Variants in EFEMP1 observed in about 807,000 individuals in gnomAD.
The protein encoded by EFEMP1 is EGF-like fibulin extracellular matrix protein 1, also known as EGF-containing fibulin-like extracellular matrix protein 1.
In EFEMP1, 18 loss-of-function variants were observed where a neutral mutation model predicts 65.7. The ratio of observed to expected loss-of-function variants is 0.27; its 90% CI spans 0.19 to 0.41. The LOEUF (loss-of-function observed/expected upper bound fraction) is 0.41, where lower values mean the gene tolerates loss of function less well. Ranked by LOEUF, EFEMP1 falls within the 10% of genes least tolerant of loss-of-function variation. The pLI, the probability that EFEMP1 is intolerant of heterozygous loss-of-function variation, is 1.00. For missense variants in EFEMP1, 469 were observed against 624.8 expected (o/e 0.75, Z 2.66); for synonymous variants, 237 against 219.7 (o/e 1.08, Z -0.70).
intron 5 of EFEMP1, among the ~76,000 whole-genome samples, chr2:55,893,231 G>A (rs1173173648): frequency 6.6e-6 from 1 of 152,104 alleles, no homozygotes; most frequent in Non-Finnish European, 1.5e-5. Context: ...TTTTATTTGA[G>A]ATTGTATCTT....
chr2:55,920,947 T>G (rs1670890138), intron 3 of EFEMP1, among the ~76,000 whole-genome samples: 1 of 152,260 alleles, frequency 6.6e-6, no homozygotes, highest in Admixed American at 6.5e-5. Flanking sequence ...CTGGAAAATT[T>G]GTTACAATAA....
At chr2:55,903,791 A>G (rs1670132175) in intron 5 of EFEMP1, among the ~76,000 whole-genome samples, 3 of 152,184 alleles carry the variant, frequency 2.0e-5, no homozygotes, top group South Asian at 4.1e-4. Context: ...ATGCATGTAT[A>G]CATATATATG....
Position 55,867,341 on chromosome 2 carries a change from G to T in EFEMP1, c.1321-107C>A. 1.5e-6 allele frequency: 2 copies of T among 1,322,670 alleles called. No individual in the cohort carries two copies. Among genetic ancestry groups the T allele is most frequent in the Non-Finnish European group, 1.0e-6 (1 of 962,496 alleles). 81.9% of individuals were successfully genotyped at this position (1,322,670 alleles called of 1,614,324 possible). ...AAGAATTAGGGGGAGAATTTTGAAG[G>T]TGGTATAAAAGAGCCACTACTTGGT... On this transcript the variant is annotated intron_variant, in intron 11 of 11. Transcript: ENST00000355426. The surrounding 1 kb of genome is among the most constrained non-coding windows in gnomAD (Gnocchi z 4.3).
At chr2:55,881,312 C>T (rs899061459) in intron 6 of EFEMP1, among the ~76,000 whole-genome samples, 8 of 152,178 alleles carry the variant, frequency 5.3e-5, no homozygotes, top group Non-Finnish European at 8.8e-5. Context: ...TGTGTTAGCG[C>T]GATGGCCCCC....
At chr2:55,907,083 G>C (rs771967396) in intron 5 of EFEMP1, among the ~76,000 whole-genome samples, 3 of 152,316 alleles carry the variant, frequency 2.0e-5, no homozygotes, top group East Asian at 1.9e-4. Flanking sequence ...GTTCTCTTGT[G>C]ATAGGTAAAC....
chr2:55,891,938 C>A (rs755220830), intron 5 of EFEMP1, among the ~76,000 whole-genome samples: 2 of 152,084 alleles, frequency 1.3e-5, no homozygotes, highest in African/African-American at 4.8e-5. Context: ...AATTATCATG[C>A]ATTCTTGGAC....
rs1169315256 is a variant in EFEMP1 at position 55,870,186 on chromosome 2, AT to A, written c.1320+533del. 6.6e-5 allele frequency among the ~76,000 whole-genome samples: 10 copies of A among 152,140 alleles called. No homozygotes were observed. The highest frequency in any genetic ancestry group is 1.3e-4 in the Non-Finnish European group (9 of 68,020). ...AGGTGGGGTCACTTCTCACATACTT[AT>A]AGGTTTTAGTTTCGGTGTGAACACA... is the stretch of plus-strand genomic sequence containing the variant. On this transcript the variant is annotated intron_variant, in intron 11 of 11. Coordinates refer to ENST00000355426, the MANE Select transcript of EFEMP1 (RefSeq NM_001039348.3). This position sits in a 1 kb window ranked among gnomAD's most constrained non-coding sequence, Gnocchi z 5.8.
In EFEMP1 at chr2:55,923,062, G is replaced by T; in HGVS notation, c.-48-123C>A. 1.6e-6 allele frequency: 1 copy of T among 622,910 alleles called. No homozygotes were observed. The highest frequency in any genetic ancestry group is 2.0e-6 in the Non-Finnish European group (1 of 496,440). The allele number at this position is 622,910 out of a possible 1,614,324, so 38.6% of individuals were successfully genotyped here. A position where few individuals can be genotyped will look rare whatever the true frequency, so the allele number is the denominator to read the frequency against. On this transcript the variant is annotated intron_variant, in intron 1 of 11. Transcript: ENST00000355426. The surrounding 1 kb of genome is among the most constrained non-coding windows in gnomAD (Gnocchi z 5.3). ...ATACTAGACCTTCTCACATGTCTCA[G>T]AGCTTCTCACATCCCCCAGCACAAA...
intron 6 of EFEMP1, 85 bp downstream of exon 6, chr2:55,881,527 C>A (rs1669239606): frequency 6.4e-7 from 1 of 1,565,326 alleles, no homozygotes; most frequent in African/African-American, 1.4e-5. Context: ...TCCAAAGAAA[C>A]ATGAATGCTT....
chr2:55,891,997 C>T (rs1456090295), intron 5 of EFEMP1, among the ~76,000 whole-genome samples: 1 of 148,882 alleles, frequency 6.7e-6, no homozygotes, highest in African/African-American at 2.6e-5. Context: ...ATTTTCCTCC[C>T]TCTATGTTAA....
intron 9 of EFEMP1, among the ~76,000 whole-genome samples, chr2:55,872,645 A>T (rs772919655): frequency 5.3e-4 from 81 of 152,108 alleles, no homozygotes; most frequent in Non-Finnish European, 4.0e-4. Context: ...AGGAAAAAAA[A>T]GTATTTTAGC....
At position 55,870,780 on chromosome 2, in the gene EFEMP1, G is replaced by A; in HGVS notation, c.1260C>T (p.Ala420=). 6.2e-7 allele frequency: 1 copy of A among 1,613,814 alleles called. No homozygotes were observed. Among genetic ancestry groups the A allele is most frequent in the Non-Finnish European group, 8.5e-7 (1 of 1,179,800 alleles). ...TAATCCGAAAAGTATTGATGGTGTT[G>A]GCATAAATAGTTGTGGCCTGTATCT... is the stretch of plus-strand genomic sequence containing the variant. The part of the protein sequence containing the change: ...IFQIQATTIY[A]NTINTFRIKS... Residue 420 remains alanine (A), a synonymous_variant, in exon 11 of 12, where the codon GCC becomes GCT. Transcript: ENST00000355426. The surrounding 1 kb of genome is among the most constrained non-coding windows in gnomAD (Gnocchi z 5.8).
In EFEMP1 at chr2:55,870,856, T is replaced by G; in HGVS notation, c.1184A>C (p.Tyr395Ser). 6.2e-7 allele frequency: 1 copy of G among 1,613,842 alleles called. No homozygotes were observed. The highest frequency in any genetic ancestry group is 8.5e-7 in the Non-Finnish European group (1 of 1,179,848). ...ATCAGATCGGATGCTCATGTATTTG[T>G]AGACTATTGACTGGGGCAGTTCTCG... ...MCRELPQSIVYKYMSIRSDRS... is the reference protein window; with the variant it reads ...MCRELPQSIVSKYMSIRSDRS... Residue 395 changes from tyrosine to serine, a missense_variant, in exon 11 of 12, where the codon TAC becomes TCC. Physicochemically the swap from Tyr to Ser is moderately radical, Grantham distance 144. Coordinates refer to ENST00000355426, the MANE Select transcript of EFEMP1 (RefSeq NM_001039348.3). This position sits in a 1 kb window ranked among gnomAD's most constrained non-coding sequence, Gnocchi z 5.8.
At chr2:55,893,614 A>T (rs960183686) in intron 5 of EFEMP1, among the ~76,000 whole-genome samples, 28 of 152,200 alleles carry the variant, frequency 1.8e-4, no homozygotes, top group African/African-American at 6.3e-4. Flanking sequence ...CAATTAAAAC[A>T]ATACACACTC....
intron 5 of EFEMP1, among the ~76,000 whole-genome samples, chr2:55,905,700 C>T (rs1670234868): frequency 6.6e-6 from 1 of 152,166 alleles, no homozygotes; most frequent in Non-Finnish European, 1.5e-5. Flanking sequence ...CTGTCTGCCT[C>T]AGCCTCCCAA....
At chr2:55,875,703 T>C (rs1426878608) in intron 8 of EFEMP1, among the ~76,000 whole-genome samples, 1 of 152,134 alleles carries the variant, frequency 6.6e-6, no homozygotes, top group East Asian at 1.9e-4. Context: ...TCTCAGAAAT[T>C]GGGTGACTTT....
Position 55,912,817 on chromosome 2 carries a change from C to T in EFEMP1, c.517+4848G>A, listed in dbSNP as rs1670527769. 2.6e-5 allele frequency among the ~76,000 whole-genome samples: 4 copies of T among 151,808 alleles called. No individual in the cohort carries two copies. In the South Asian group the frequency reaches 6.3e-4, roughly 24 times the overall value. The stretch of plus-strand genomic sequence containing the variant: ...CAAACTGAAAAATTTATAGGTGAAA[C>T]ATAGTATTTAATTTGGCTGTGTGGT... On this transcript the variant is annotated intron_variant, in intron 5 of 11. Coordinates refer to ENST00000355426, the MANE Select transcript of EFEMP1 (RefSeq NM_001039348.3).
At chr2:55,911,007 G>T (rs1016906374) in intron 5 of EFEMP1, among the ~76,000 whole-genome samples, 1 of 152,098 alleles carries the variant, frequency 6.6e-6, no homozygotes, top group African/African-American at 2.4e-5. Flanking sequence ...GAAGATATAG[G>T]TATCACTTAG....
rs1394563437 is a variant in EFEMP1 at position 55,870,142 on chromosome 2, T to A, written c.1320+578A>T. ...AAGTTGGCAAGAATGGTACAACTAC[T>A]GACACATACTGTGCGGGGAGGTGGG... On this transcript the variant is annotated intron_variant, in intron 11 of 11. Coordinates refer to ENST00000355426, the MANE Select transcript of EFEMP1 (RefSeq NM_001039348.3). The surrounding 1 kb of genome is among the most constrained non-coding windows in gnomAD (Gnocchi z 5.8). Among the ~76,000 whole-genome samples the A allele has an allele frequency of 1.3e-5, 2 of 152,108 alleles. No individual in the cohort carries two copies. Among genetic ancestry groups the A allele is most frequent in the Non-Finnish European group, 2.9e-5 (2 of 68,028 alleles).
Sources: allele counts gnomAD v4.1 joint callset (sites outside exome capture counted in the v4.1 genomes callset), GRCh38; gene constraint gnomAD v4.1.1; non-coding constraint Gnocchi (gnomAD v3.1); transcripts MANE v1.5; gene names NCBI Gene and HGNC (gene_info 2026-07-23, HGNC 2026-07-21).